Variants in GPC6 observed in about 807,000 individuals in gnomAD.
The protein encoded by GPC6 is glypican 6.
GPC6 carries 14 observed loss-of-function variants against 55.2 expected under a neutral mutation model. The ratio of observed to expected loss-of-function variants is 0.25; its 90% CI spans 0.17 to 0.40. The LOEUF (loss-of-function observed/expected upper bound fraction) is 0.40, where lower values mean the gene tolerates loss of function less well. GPC6 is among the 10% of genes least tolerant of loss of function. The probability of loss-of-function intolerance (pLI) is 1.00; values close to 1 mark genes in which losing one functional copy is unlikely to be tolerated. For synonymous variants in GPC6, 278 were observed against 259.6 expected, an observed-to-expected ratio of 1.07 and a Z score of -0.68; for missense variants, 641 against 708.5, an observed-to-expected ratio of 0.90 and a Z score of 1.08.
rs188370750 is a variant in GPC6 at position 94,353,655 on chromosome 13, T to C, written c.1153-28759T>C. 4.9e-3 allele frequency among the ~76,000 whole-genome samples: 751 copies of C among 152,294 alleles called. 3 individuals carry two copies. Among genetic ancestry groups the C allele is most frequent in the Non-Finnish European group, 6.6e-3 (449 of 68,030 alleles). ...ATTCAGTAAAATAGCACTTACCCCT[T>C]CAAATTGGAATAGTGATCACACATA... On this transcript the variant is annotated intron_variant, in intron 6 of 8. Coordinates refer to ENST00000377047, the MANE Select transcript of GPC6 (RefSeq NM_005708.5).
At chr13:93,258,568 A>G (rs1378346660) in intron 1 of GPC6, among the ~76,000 whole-genome samples, 3 of 152,074 alleles carry the variant, frequency 2.0e-5, no homozygotes, top group Admixed American at 6.6e-5. Flanking sequence ...ATTAGCCATA[A>G]TTAGTTTCTG....
In GPC6 at chr13:93,227,700, C is replaced by A; in HGVS notation, c.160+84C>A. 4 of 1,123,458 alleles carry A rather than the reference C, an allele frequency of 3.6e-6. No homozygotes were observed. The highest frequency in any genetic ancestry group is 1.4e-5 in the South Asian group (1 of 72,726). The allele number at this position is 1,123,458 out of a possible 1,614,324, so 69.6% of individuals were successfully genotyped here. A position where few individuals can be genotyped will look rare whatever the true frequency, so the allele number is the denominator to read the frequency against. Reference sequence around the variant, plus strand: ...GGCCGCCCGGCGTCCCCTTCCTTCCCCCTGTTGCTGAGTTGGTGCTCACTT... The same window carrying A: ...GGCCGCCCGGCGTCCCCTTCCTTCCACCTGTTGCTGAGTTGGTGCTCACTT... On this transcript the variant is annotated intron_variant, in intron 1 of 8. Coordinates refer to ENST00000377047, the MANE Select transcript of GPC6 (RefSeq NM_005708.5). This position sits in a 1 kb window ranked among gnomAD's most constrained non-coding sequence, Gnocchi z 4.3.
At chr13:93,972,931 C>G (rs11839391) in intron 3 of GPC6, among the ~76,000 whole-genome samples, 1,539 of 151,774 alleles carry the variant, frequency 0.01, 34 homozygotes, top group African/African-American at 0.036. Context: ...CTCTCTGTCT[C>G]TCTCTCTCTC....
intron 3 of GPC6, among the ~76,000 whole-genome samples, chr13:94,001,300 T>G (rs1881788859): frequency 6.6e-6 from 1 of 152,228 alleles, no homozygotes; most frequent in Non-Finnish European, 1.5e-5. Flanking sequence ...AGCATTATTT[T>G]TATTATCTTT....
chr13:94,403,214 AT>A lies in GPC6; in HGVS notation c.1666del (p.Ter556AsnfsTer8), dbSNP rs1261343702. 2 of 1,610,026 alleles carry A rather than the reference AT, an allele frequency of 1.2e-6. No homozygotes were observed. Among genetic ancestry groups the A allele is most frequent in the Admixed American group, 3.3e-5 (2 of 60,012 alleles). ...IVLALQRLCR[*>X] The stretch of plus-strand genomic sequence containing the variant: ...TCCTGGCACTGCAGAGACTGTGCAG[AT>A]AATCTTGGGTTTTTGGTCAGATGAA... On this transcript the variant is annotated frameshift_variant and stop_lost, in exon 9 of 9. Coordinates refer to ENST00000377047, the MANE Select transcript of GPC6 (RefSeq NM_005708.5). LOFTEE classifies it high-confidence loss of function.
At chr13:94,325,585 T>A (rs1016837274) in intron 6 of GPC6, among the ~76,000 whole-genome samples, 2 of 152,224 alleles carry the variant, frequency 1.3e-5, no homozygotes, top group Admixed American at 1.3e-4. Flanking sequence ...ATGGCTCTAT[T>A]GATTTAAAAC....
At chr13:94,326,758 A>C (rs1210578513) in intron 6 of GPC6, among the ~76,000 whole-genome samples, 1 of 152,240 alleles carries the variant, frequency 6.6e-6, no homozygotes, top group Non-Finnish European at 1.5e-5. Flanking sequence ...AACTTTAGTG[A>C]GTCCTTTAAC....
chr13:94,326,316 T>C (rs144025444), intron 6 of GPC6, among the ~76,000 whole-genome samples: 278 of 151,836 alleles, frequency 1.8e-3, no homozygotes, highest in African/African-American at 6.4e-3. Context: ...TTTAAAATAA[T>C]AGGAGAAACA....
chr13:94,368,147 CA>C (rs5805859), intron 6 of GPC6, among the ~76,000 whole-genome samples: 14,005 of 85,642 alleles, frequency 0.16, 758 homozygotes, highest in East Asian at 0.37. Flanking sequence ...GACTCTGTCT[CA>C]AAAAAAAAAA....
chr13:93,464,603 A>C (rs1282117170), intron 1 of GPC6, among the ~76,000 whole-genome samples: 6 of 152,102 alleles, frequency 3.9e-5, no homozygotes, highest in African/African-American at 1.4e-4. Flanking sequence ...TTCTATTTCT[A>C]GTTTTCTTGC....
intron 2 of GPC6, among the ~76,000 whole-genome samples, chr13:93,702,640 C>T (rs1882711921): frequency 6.6e-6 from 1 of 151,960 alleles, no homozygotes; most frequent in South Asian, 2.1e-4. Context: ...TTTAGTGTCC[C>T]CATCTTCATC....
intron 1 of GPC6, among the ~76,000 whole-genome samples, chr13:93,283,812 A>T (rs1356574370): frequency 1.3e-5 from 2 of 152,214 alleles, no homozygotes; most frequent in Admixed American, 6.5e-5. Context: ...ATTGATTCAC[A>T]TCCTGATATT....
intron 1 of GPC6, among the ~76,000 whole-genome samples, chr13:93,453,006 T>C (rs1452859351): frequency 2.0e-5 from 3 of 152,226 alleles, no homozygotes; most frequent in Non-Finnish European, 4.4e-5. Flanking sequence ...GCTTAACTTA[T>C]GTACCCTACT....
At chr13:93,249,243 C>T (rs535325200) in intron 1 of GPC6, among the ~76,000 whole-genome samples, 15 of 152,290 alleles carry the variant, frequency 9.8e-5, no homozygotes, top group Admixed American at 7.8e-4. Flanking sequence ...TTGGTAATAT[C>T]GCATCAGGGA....
At chr13:93,418,933 C>T (rs1876819046) in intron 1 of GPC6, among the ~76,000 whole-genome samples, 1 of 150,688 alleles carries the variant, frequency 6.6e-6, no homozygotes. Context: ...TAGCACTATA[C>T]CATAGTATTA....
chr13:93,974,249 G>A (rs1269286951), intron 3 of GPC6, among the ~76,000 whole-genome samples: 1 of 152,116 alleles, frequency 6.6e-6, no homozygotes, highest in Non-Finnish European at 1.5e-5. Flanking sequence ...GGCATTGTTA[G>A]TTTCATTAAC....
Position 93,410,791 on chromosome 13 carries a change from T to C in GPC6, c.161-134472T>C, listed in dbSNP as rs566796247. Among the ~76,000 whole-genome samples the C allele has an allele frequency of 2.4e-4, 37 of 152,264 alleles. No individual in the cohort carries two copies. In the South Asian group the frequency reaches 7.7e-3, roughly 32 times the overall value. On this transcript the variant is annotated intron_variant, in intron 1 of 8. Coordinates refer to ENST00000377047, the MANE Select transcript of GPC6 (RefSeq NM_005708.5). The stretch of plus-strand genomic sequence containing the variant: ...TAGCTTCTGAAAAGCAATTATAACT[T>C]TCATCTTAAACTTCTTTCAATGACA...
At chr13:93,305,262 T>TTTTTG (rs1014946245) in intron 1 of GPC6, among the ~76,000 whole-genome samples, 3 of 150,478 alleles carry the variant, frequency 2.0e-5, no homozygotes, top group East Asian at 4.1e-4. Context: ...TGTGTGTGTG[T>TTTTTG]TTTTGTTTTG....
rs114309887 is a variant in GPC6, at chr13:94,192,916, A to G, written c.878-93433A>G. ...CATCAGTTTGCTGAAACCTGTGTTT[A>G]TAGACACATGATGGTTTAATGTGAG... On this transcript the variant is annotated intron_variant, in intron 4 of 8. Coordinates refer to ENST00000377047, the MANE Select transcript of GPC6 (RefSeq NM_005708.5). Among the ~76,000 whole-genome samples, 433 of 152,282 alleles carry G rather than the reference A, an allele frequency of 2.8e-3. 5 individuals are homozygous for G. Among genetic ancestry groups the G allele is most frequent in the African/African-American group, 0.01 (420 of 41,556 alleles).
Sources: allele counts gnomAD v4.1 joint callset (sites outside exome capture counted in the v4.1 genomes callset), GRCh38; gene constraint gnomAD v4.1.1; non-coding constraint Gnocchi (gnomAD v3.1); transcripts MANE v1.5; gene names NCBI Gene and HGNC (gene_info 2026-07-23, HGNC 2026-07-21).